Variants in TAS2R46 observed in about 807,000 individuals in gnomAD.
TAS2R46 encodes the protein taste 2 receptor member 46, also known as taste receptor type 2 member 46.
For missense variants in TAS2R46, 361 were observed against 347.4 expected (o/e 1.04, Z -0.31); for synonymous variants, 123 against 121.8 (o/e 1.01, Z -0.07).
rs973664361 is a variant in TAS2R46, at chr12:11,062,038, T to C, written c.257A>G (p.Asn86Ser). The C allele has an allele frequency of 1.2e-5, 19 of 1,613,680 alleles. No homozygotes were observed. Among genetic ancestry groups the C allele is most frequent in the East Asian group, 2.2e-5 (1 of 44,872 alleles). ...GAAATGGTTGATTACTGCCCAGACA[T>C]TGTAAGCAGTAATTCTTACTTCTAT... is the stretch of plus-strand genomic sequence containing the variant. ...NSIEVRITAY[N>S]VWAVINHFSN... Residue 86 changes from asparagine (N) to serine (S), a missense_variant, in exon 1 of 1, where the codon AAT (asparagine) becomes AGT (serine). Physicochemically the swap from Asn to Ser is conservative, Grantham distance 46. Transcript: ENST00000533467.
chr12:11,061,736 G>C lies in TAS2R46; in HGVS notation c.559C>G (p.Pro187Ala), dbSNP rs778068605. 2 of 1,614,142 alleles carry C rather than the reference G, an allele frequency of 1.2e-6. No individual in the cohort carries two copies. The highest frequency in any genetic ancestry group is 1.7e-6 in the Non-Finnish European group (2 of 1,180,002). The change falls in exon 1 of 1, where the codon CCC becomes GCC. Residue 187 changes from proline to alanine, a missense_variant. Transcript: ENST00000533467. Reference protein sequence around the residue: ...TTVTILANLVPFTLTLISFLL... With the variant: ...TTVTILANLVAFTLTLISFLL... ...AAAGATATCAGGGTCAGAGTGAAGG[G>C]AACTAAGTTTGCTAGGATGGTTACC... is the stretch of plus-strand genomic sequence containing the variant.
In TAS2R46 at chr12:11,062,266, G is replaced by T. The variant is rs540344507; in HGVS notation, c.29C>A (p.Ser10Tyr). Residue 10 changes from serine (S) to tyrosine (Y), a missense_variant, in exon 1 of 1, where the codon TCC becomes TAC. Physicochemically the swap from Ser to Tyr is moderately radical, Grantham distance 144 (BLOSUM62 -2). Transcript: ENST00000533467. ...CACAAATGTAACCACTATTAGAATGGAAAAAATGATGGGCAGAAAAGTTAT... is the reference window on the plus strand; with the variant it reads ...CACAAATGTAACCACTATTAGAATGTAAAAAATGATGGGCAGAAAAGTTAT... The part of the protein sequence containing the change: MITFLPIIF[S>Y]ILIVVTFVIG... 7 of 1,610,018 alleles carry T rather than the reference G, an allele frequency of 4.3e-6. No individual in the cohort carries two copies. The highest frequency in any genetic ancestry group is 3.3e-5 in the South Asian group (3 of 90,408).
At position 11,061,413 on chromosome 12, in the gene TAS2R46, C is replaced by A. The variant is rs777519851; in HGVS notation, c.882G>T (p.Leu294Phe). The change falls in exon 1 of 1, where the codon TTG becomes TTT. Residue 294 changes from leucine (L) to phenylalanine (F), a missense_variant. Transcript: ENST00000533467. Reference sequence around the variant, plus strand: ...CTTTCACCCAGTACCTCACATGCCACAAAACTGAAAGAAAAGTCTGCTTTA... The same window carrying A: ...CTTTCACCCAGTACCTCACATGCCAAAAAACTGAAAGAAAAGTCTGCTTTA... ...KKLKQTFLSVLWHVRYWVKGE... is the reference protein window; with the variant it reads ...KKLKQTFLSVFWHVRYWVKGE... 3 of 1,613,954 alleles carry A rather than the reference C, an allele frequency of 1.9e-6. No homozygotes were observed. Among genetic ancestry groups the A allele is most frequent in the Admixed American group, 1.7e-5 (1 of 60,010 alleles).
chr12:11,061,924 C>A lies in TAS2R46; in HGVS notation c.371G>T (p.Arg124Ile). 1 of 1,613,978 alleles carries A rather than the reference C, an allele frequency of 6.2e-7. No homozygotes were observed. The highest frequency in any genetic ancestry group is 8.5e-7 in the Non-Finnish European group (1 of 1,179,928). ...SNLIFLHLKR[R>I]VKSVVLVILL... ...TATCACCAGAACAACACTCTTAACT[C>A]TCCTCTTTAAGTGAAGAAAAATAAG... The change falls in exon 1 of 1, where the codon AGA becomes ATA. Residue 124 changes from arginine (R) to isoleucine (I), a missense_variant. Transcript: ENST00000533467.
rs769175880 is a variant in TAS2R46 at position 11,062,247 on chromosome 12, T to C, written c.48A>G (p.Thr16=). The C allele has an allele frequency of 5.0e-6, 8 of 1,613,032 alleles. No homozygotes were observed. The highest frequency in any genetic ancestry group is 2.7e-5 in the African/African-American group (2 of 74,882). Residue 16 remains threonine (T), a synonymous_variant, in exon 1 of 1, where the codon ACA becomes ACG. Transcript: ENST00000533467. ...PIIFSILIVV[T]FVIGNFANGF... ...CATTAGCAAAATTTCCAATCACAAATGTAACCACTATTAGAATGGAAAAAA... is the reference window on the plus strand; with the variant it reads ...CATTAGCAAAATTTCCAATCACAAACGTAACCACTATTAGAATGGAAAAAA...
Position 11,061,616 on chromosome 12 carries a change from C to T in TAS2R46, c.679G>A (p.Ala227Thr), listed in dbSNP as rs374074547. 16 of 1,614,074 alleles carry T rather than the reference C, an allele frequency of 9.9e-6. No individual in the cohort carries two copies. The highest frequency in any genetic ancestry group is 1.4e-5 in the Non-Finnish European group (16 of 1,179,960). Residue 227 changes from alanine to threonine, a missense_variant, in exon 1 of 1, where the codon GCT becomes ACT. Transcript: ENST00000533467. ...QDPSMKVHIK[A>T]LQTVTSFLLL... ...AGGAAGGAGGTCACAGTTTGCAAAG[C>T]TTTTATGTGGACCTTCATGCTGGGA... is the stretch of plus-strand genomic sequence containing the variant.
chr12:11,061,919 T>A, the TAS2R46 span: 5 of 1,613,978 alleles, frequency 3.1e-6, no homozygotes, highest in Non-Finnish European at 4.2e-6. Context: ...ACAACACTCT[T>A]AACTCTCCTC....
In TAS2R46 at chr12:11,061,876, A is replaced by G. The variant is rs374662609; in HGVS notation, c.419T>C (p.Leu140Ser). 9.3e-6 allele frequency: 15 copies of G among 1,613,942 alleles called. No individual in the cohort carries two copies. The highest frequency in any genetic ancestry group is 1.2e-5 in the Non-Finnish European group (14 of 1,179,972). The change falls in exon 1 of 1, where the codon TTG (leucine) becomes TCG (serine). Residue 140 changes from leucine to serine, a missense_variant. Leu to Ser is a moderately radical substitution (Grantham distance 145). Transcript: ENST00000533467. The part of the protein sequence containing the change: ...LVILLGPLLF[L>S]VCHLFVINMN... ...GTTTATCACAAAAAGATGACAAACCAAAAATAGCAAAGGCCCCAATAGTAT... is the reference window on the plus strand; with the variant it reads ...GTTTATCACAAAAAGATGACAAACCGAAAATAGCAAAGGCCCCAATAGTAT...
rs752856222 is a variant in TAS2R46 at position 11,061,729 on chromosome 12, G to C, written c.566C>G (p.Thr189Ser). ...CAGCAGAAAAGATATCAGGGTCAGA[G>C]TGAAGGGAACTAAGTTTGCTAGGAT... ...VTILANLVPF[T>S]LTLISFLLLI... is the part of the protein sequence containing the mutation. Residue 189 changes from threonine to serine, a missense_variant, in exon 1 of 1, where the codon ACT (threonine) becomes AGT (serine). Thr to Ser is a moderately conservative substitution (Grantham distance 58, BLOSUM62 1). Transcript: ENST00000533467. The C allele has an allele frequency of 1.9e-6, 3 of 1,614,154 alleles. No homozygotes were observed. The South Asian group carries it at 3.3e-5, about 18-fold the overall frequency.
Position 11,062,223 on chromosome 12 carries a change from A to G in TAS2R46, c.72T>C (p.Asn24=). The G allele has an allele frequency of 1.2e-6, 2 of 1,613,288 alleles. No homozygotes were observed. Among genetic ancestry groups the G allele is most frequent in the Non-Finnish European group, 1.7e-6 (2 of 1,179,540 alleles). The change falls in exon 1 of 1, where the codon AAT becomes AAC. Residue 24 remains asparagine, a synonymous_variant. Coordinates refer to ENST00000533467, the MANE Select transcript of TAS2R46 (RefSeq NM_176887.2). ...TGGAATTTACCAATGCTATGAAGCC[A>G]TTAGCAAAATTTCCAATCACAAATG... is the stretch of plus-strand genomic sequence containing the variant. ...VVTFVIGNFA[N]GFIALVNSIE... is the part of the protein sequence containing the mutation.
Position 11,061,375 on chromosome 12 carries a change from G to A in TAS2R46, c.920C>T (p.Ser307Leu). ...VRYWVKGEKPSSS is the reference protein window; with the variant it reads ...VRYWVKGEKPLSS Reference sequence around the variant, plus strand: ...GCTGCTCTTGTGAATCTATGAAGATGAAGGCTTCTCTCCTTTCACCCAGTA... The same window carrying A: ...GCTGCTCTTGTGAATCTATGAAGATAAAGGCTTCTCTCCTTTCACCCAGTA... The change falls in exon 1 of 1, where the codon TCA becomes TTA. Residue 307 changes from serine (S) to leucine (L), a missense_variant. By Grantham distance (145) the Ser-to-Leu change is moderately radical. Transcript: ENST00000533467. The A allele has an allele frequency of 6.2e-7, 1 of 1,612,586 alleles. No homozygotes were observed. The highest frequency in any genetic ancestry group is 8.5e-7 in the Non-Finnish European group (1 of 1,179,416).
At position 11,062,112 on chromosome 12, in the gene TAS2R46, T is replaced by A; in HGVS notation, c.183A>T (p.Val61=). Residue 61 remains valine, a synonymous_variant, in exon 1 of 1, where the codon GTA becomes GTT. Coordinates refer to ENST00000533467, the MANE Select transcript of TAS2R46 (RefSeq NM_176887.2). ...CAGTTGCATACCAATTTAATACTAA[T>A]ACCCAGAGTAAACCAACTCTGGAGA... ...LAVSRVGLLW[V]LVLNWYATEL... 1 of 1,613,626 alleles carries A rather than the reference T, an allele frequency of 6.2e-7. No homozygotes were observed. Among genetic ancestry groups the A allele is most frequent in the Non-Finnish European group, 8.5e-7 (1 of 1,179,800 alleles).
chr12:11,062,037 A>G lies in TAS2R46; in HGVS notation c.258T>C (p.Asn86=). The G allele has an allele frequency of 1.9e-6, 3 of 1,607,660 alleles. No individual in the cohort carries two copies. The highest frequency in any genetic ancestry group is 2.6e-6 in the Non-Finnish European group (3 of 1,174,656). The stretch of plus-strand genomic sequence containing the variant: ...TGAAATGGTTGATTACTGCCCAGAC[A>G]TTGTAAGCAGTAATTCTTACTTCTA... ...NSIEVRITAY[N]VWAVINHFSN... is the part of the protein sequence containing the mutation. Residue 86 remains asparagine (N), a synonymous_variant, in exon 1 of 1, where the codon AAT becomes AAC. Transcript: ENST00000533467.
the TAS2R46 span, chr12:11,062,086 TC>T: frequency 6.2e-7 from 1 of 1,613,688 alleles, no homozygotes; most frequent in Non-Finnish European, 8.5e-7. Context: ...TGGATTCAAC[TC>T]AGTTGCATAC....
Position 11,062,222 on chromosome 12 carries a change from C to T in TAS2R46, c.73G>A (p.Gly25Ser). 2 of 1,613,140 alleles carry T rather than the reference C, an allele frequency of 1.2e-6. No individual in the cohort carries two copies. The highest frequency in any genetic ancestry group is 1.7e-6 in the Non-Finnish European group (2 of 1,179,522). Residue 25 changes from glycine (G) to serine (S), a missense_variant, in exon 1 of 1, where the codon GGC becomes AGC. Gly to Ser is a moderately conservative substitution (Grantham distance 56). Coordinates refer to ENST00000533467, the MANE Select transcript of TAS2R46 (RefSeq NM_176887.2). The part of the protein sequence containing the change: ...VTFVIGNFAN[G>S]FIALVNSIEW... ...ATGGAATTTACCAATGCTATGAAGC[C>T]ATTAGCAAAATTTCCAATCACAAAT...
Position 11,061,893 on chromosome 12 carries a change from C to T in TAS2R46, c.402G>A (p.Leu134=). The T allele has an allele frequency of 6.2e-7, 1 of 1,613,936 alleles. No individual in the cohort carries two copies. The highest frequency in any genetic ancestry group is 8.5e-7 in the Non-Finnish European group (1 of 1,179,918). ...GACAAACCAAAAATAGCAAAGGCCC[C>T]AATAGTATCACCAGAACAACACTCT... ...RVKSVVLVIL[L]GPLLFLVCHL... is the part of the protein sequence containing the mutation. Residue 134 remains leucine (L), a synonymous_variant, in exon 1 of 1, where the codon TTG becomes TTA. Transcript: ENST00000533467.
rs555711701 is a variant in TAS2R46, at chr12:11,062,068, T to A, written c.227A>T (p.Asn76Ile). The A allele has an allele frequency of 2.5e-6, 4 of 1,613,730 alleles. No homozygotes were observed. Among genetic ancestry groups the A allele is most frequent in the Admixed American group, 1.7e-5 (1 of 59,906 alleles). Residue 76 changes from asparagine (N) to isoleucine (I), a missense_variant, in exon 1 of 1, where the codon AAC becomes ATC. Asn to Ile is a moderately radical substitution (Grantham distance 149). Coordinates refer to ENST00000533467, the MANE Select transcript of TAS2R46 (RefSeq NM_176887.2). ...AGCAGTAATTCTTACTTCTATACTG[T>A]TAAAAGCTGGATTCAACTCAGTTGC... is the stretch of plus-strand genomic sequence containing the variant. ...WYATELNPAF[N>I]SIEVRITAYN...
Position 11,061,718 on chromosome 12 carries a change from T to G in TAS2R46, c.577A>C (p.Ile193Leu), listed in dbSNP as rs760569156. The G allele has an allele frequency of 6.2e-7, 1 of 1,614,046 alleles. No homozygotes were observed. The highest frequency in any genetic ancestry group is 1.3e-5 in the African/African-American group (1 of 74,932). The change falls in exon 1 of 1, where the codon ATA (isoleucine) becomes CTA (leucine). Residue 193 changes from isoleucine to leucine, a missense_variant. Physicochemically the swap from Ile to Leu is conservative, Grantham distance 5 (BLOSUM62 2). Transcript: ENST00000533467. ...ANLVPFTLTL[I>L]SFLLLICSLC... is the part of the protein sequence containing the mutation. ...GAACAGATTAACAGCAGAAAAGATATCAGGGTCAGAGTGAAGGGAACTAAG... is the reference window on the plus strand; with the variant it reads ...GAACAGATTAACAGCAGAAAAGATAGCAGGGTCAGAGTGAAGGGAACTAAG...
In TAS2R46 at chr12:11,061,490, A is replaced by C; in HGVS notation, c.805T>G (p.Phe269Val). The change falls in exon 1 of 1, where the codon TTC (phenylalanine) becomes GTC (valine). Residue 269 changes from phenylalanine (F) to valine (V), a missense_variant. Transcript: ENST00000533467. The part of the protein sequence containing the change: ...PVFMFCEAIA[F>V]SYPSTHPFIL... ...AATGGGTGGGTTGAAGGATAGCTGA[A>C]TGCAATAGCTTCGCAGAACATGAAG... 1.9e-6 allele frequency: 3 copies of C among 1,614,168 alleles called. No individual in the cohort carries two copies. Among genetic ancestry groups the C allele is most frequent in the Non-Finnish European group, 2.5e-6 (3 of 1,179,978 alleles).
Sources: gnomAD v4.1 joint callset for allele counts on GRCh38, gnomAD v4.1.1 for gene constraint, MANE v1.5 for transcripts, NCBI Gene and HGNC (gene_info 2026-07-23, HGNC 2026-07-21) for gene names.